CSMD1: variants seen among roughly 807,000 people sequenced by gnomAD.
CSMD1 encodes the protein CUB and Sushi multiple domains 1, also known as CUB and sushi domain-containing protein 1.
A neutral mutation model predicts 417.5 loss-of-function variants in CSMD1; 213 were observed. The observed-to-expected ratio is 0.51, with a 90% confidence interval of 0.46 to 0.57. CSMD1 has a LOEUF of 0.57. CSMD1 is among the 20% of genes least tolerant of loss of function. CSMD1 has a pLI of 0.00. For synonymous variants in CSMD1, 2,862 were observed against 1,736.8 expected (o/e 1.65, Z -16.11); for missense variants, 6,923 against 4,529.7 (o/e 1.53, Z -15.17).
At chr8:4,485,273 C>T (rs568929191) in intron 2 of CSMD1, among the ~76,000 whole-genome samples, 10 of 152,280 alleles carry the variant, frequency 6.6e-5, no homozygotes, top group African/African-American at 1.7e-4. Context: ...TTGCTTGGAA[C>T]GCCTGTCAGC....
intron 3 of CSMD1, among the ~76,000 whole-genome samples, chr8:4,190,926 C>G (rs564111951): frequency 1.8e-4 from 26 of 148,514 alleles, no homozygotes; most frequent in African/African-American, 5.9e-4. Context: ...CATAGGTGAA[C>G]GACACAAACT....
At chr8:4,031,306 C>A (rs1168450002) in intron 4 of CSMD1, among the ~76,000 whole-genome samples, 1 of 152,160 alleles carries the variant, frequency 6.6e-6, no homozygotes, top group Non-Finnish European at 1.5e-5. Context: ...ACTTACCGTC[C>A]CAAGTGGCTG....
At chr8:4,747,161 TAG>T (rs1811013078) in intron 1 of CSMD1, among the ~76,000 whole-genome samples, 1 of 152,126 alleles carries the variant, frequency 6.6e-6, no homozygotes, top group Admixed American at 6.5e-5. Flanking sequence ...TCTTTACTTA[TAG>T]GGGGAGAGGA....
At chr8:4,578,184 G>C (rs1452934636) in intron 2 of CSMD1, among the ~76,000 whole-genome samples, 1 of 151,926 alleles carries the variant, frequency 6.6e-6, no homozygotes, top group Non-Finnish European at 1.5e-5. Context: ...TTTTTGAGAG[G>C]AAGTCTCGCT....
At chr8:4,067,173 G>A (rs1230369816) in intron 3 of CSMD1, among the ~76,000 whole-genome samples, 2 of 152,324 alleles carry the variant, frequency 1.3e-5, no homozygotes, top group East Asian at 3.9e-4. Context: ...AAGATACTGG[G>A]TGAAAGGCTA....
At chr8:4,068,127 G>A (rs541415838) in intron 3 of CSMD1, among the ~76,000 whole-genome samples, 2 of 152,104 alleles carry the variant, frequency 1.3e-5, no homozygotes, top group Non-Finnish European at 2.9e-5. Flanking sequence ...GTGTCTTCTT[G>A]CAGAGCCACA....
intron 5 of CSMD1, among the ~76,000 whole-genome samples, chr8:3,838,037 T>C (rs1585069874): frequency 6.6e-6 from 1 of 152,118 alleles, no homozygotes; most frequent in South Asian, 2.1e-4. Context: ...TAAATATGTA[T>C]GTATTGATTA....
At chr8:4,300,159 C>A (rs1797902544) in intron 3 of CSMD1, among the ~76,000 whole-genome samples, 1 of 152,098 alleles carries the variant, frequency 6.6e-6, no homozygotes, top group African/African-American at 2.4e-5. Context: ...TTCATAAAAA[C>A]AACAACAAAA....
intron 4 of CSMD1, among the ~76,000 whole-genome samples, chr8:4,022,246 T>A (rs557981666): frequency 1.4e-4 from 21 of 150,948 alleles, no homozygotes; most frequent in African/African-American, 5.1e-4. Flanking sequence ...TATTTTGGTC[T>A]ATGCCTCACT....
rs191097766 is a variant in CSMD1, at chr8:3,188,841, G to A, written c.5523+46C>T. ...AAAGAATGAAAGAAAGAAGCCCATG[G>A]ACCCCAGCTGAGCCCTGTTGTAGAC... On this transcript the variant is annotated intron_variant, in intron 35 of 69. Transcript: ENST00000635120. 4 of 1,430,010 alleles carry A rather than the reference G, an allele frequency of 2.8e-6. No individual in the cohort carries two copies. In the East Asian group the frequency reaches 1.1e-4, roughly 38 times the overall value. 88.6% of individuals were successfully genotyped at this position (1,430,010 alleles called of 1,614,324 possible). A position where few individuals can be genotyped will look rare whatever the true frequency, so the allele number is the denominator to read the frequency against.
At chr8:4,130,590 C>T (rs918175218) in intron 3 of CSMD1, among the ~76,000 whole-genome samples, 1 of 152,048 alleles carries the variant, frequency 6.6e-6, no homozygotes, top group African/African-American at 2.4e-5. Flanking sequence ...TTCTAACTTG[C>T]AAAATTGTAT....
At chr8:4,142,874 T>A (rs890253351) in intron 3 of CSMD1, among the ~76,000 whole-genome samples, 1 of 151,154 alleles carries the variant, frequency 6.6e-6, no homozygotes, top group Non-Finnish European at 1.5e-5. Context: ...CATTTGATAA[T>A]ATGATTAGTA....
chr8:4,638,535 C>A (rs1383912493), intron 1 of CSMD1, among the ~76,000 whole-genome samples: 3 of 152,168 alleles, frequency 2.0e-5, no homozygotes, highest in Non-Finnish European at 4.4e-5. Flanking sequence ...TTGATGTCTA[C>A]CCGTTCACAC....
intron 11 of CSMD1, among the ~76,000 whole-genome samples, chr8:3,482,884 A>T (rs982174804): frequency 2.0e-5 from 3 of 152,210 alleles, no homozygotes; most frequent in Admixed American, 2.0e-4. Context: ...ATAATCCATG[A>T]TTCAAAGGGA....
At chr8:3,226,498 G>A (rs901469141) in intron 27 of CSMD1, among the ~76,000 whole-genome samples, 1 of 149,862 alleles carries the variant, frequency 6.7e-6, no homozygotes, top group Non-Finnish European at 1.5e-5. Flanking sequence ...CAGGAGAATC[G>A]CTTGAACCTG....
At chr8:3,539,777 A>AAC (rs1433921138) in intron 10 of CSMD1, among the ~76,000 whole-genome samples, 5 of 151,364 alleles carry the variant, frequency 3.3e-5, no homozygotes, top group South Asian at 2.1e-4. Context: ...AAAAAAAAAA[A>AAC]ACACAAGAAA....
chr8:3,121,516 A>T (rs1585404360), intron 41 of CSMD1, among the ~76,000 whole-genome samples: 1 of 152,106 alleles, frequency 6.6e-6, no homozygotes, highest in Non-Finnish European at 1.5e-5. Context: ...AGGAAACTTC[A>T]CCTGGAGGGA....
intron 3 of CSMD1, among the ~76,000 whole-genome samples, chr8:4,403,399 T>A (rs1174908176): frequency 6.6e-6 from 1 of 152,170 alleles, no homozygotes; most frequent in Admixed American, 6.5e-5. Context: ...TCTAATTCTC[T>A]TTTGAACCAC....
At chr8:3,671,120 G>C (rs1469746473) in intron 7 of CSMD1, among the ~76,000 whole-genome samples, 1 of 144,774 alleles carries the variant, frequency 6.9e-6, no homozygotes, top group African/African-American at 2.5e-5. Context: ...TATGTATATG[G>C]GATATATATG....
Sources: allele counts gnomAD v4.1 joint callset (sites outside exome capture counted in the v4.1 genomes callset), GRCh38; gene constraint gnomAD v4.1.1; transcripts MANE v1.5; gene names NCBI Gene and HGNC (gene_info 2026-07-23, HGNC 2026-07-21).